PLCL1: variants seen among roughly 807,000 people sequenced by gnomAD.
PLCL1 encodes the protein inactive phospholipase C-like protein 1.
PLCL1 carries 41 observed loss-of-function variants against 84.4 expected under a neutral mutation model. That is an observed-to-expected ratio of 0.49 (90% CI 0.38 to 0.63). The LOEUF (loss-of-function observed/expected upper bound fraction) is 0.63. Among genes scored for constraint, PLCL1 ranks in the 30% least tolerant of loss-of-function variants. The pLI is 0.00. For synonymous variants in PLCL1, 490 were observed against 488.3 expected (o/e 1.00, Z -0.05); for missense variants, 1,206 against 1,367.8 (o/e 0.88, Z 1.87).
At chr2:197,978,773 G>A (rs1187485385) in intron 1 of PLCL1, among the ~76,000 whole-genome samples, 1 of 152,144 alleles carries the variant, frequency 6.6e-6, no homozygotes, top group African/African-American at 2.4e-5. Flanking sequence ...TCCCTCCCAG[G>A]GTGCACTCAG....
chr2:197,981,135 C>T (rs1324609075), intron 1 of PLCL1, among the ~76,000 whole-genome samples: 1 of 152,140 alleles, frequency 6.6e-6, no homozygotes, highest in Non-Finnish European at 1.5e-5. Flanking sequence ...TACTCTACAC[C>T]TTAGTTCACC....
rs77527010 is a variant in PLCL1, at chr2:197,882,772, G to A, written c.240+77433G>A. 3.3e-3 allele frequency among the ~76,000 whole-genome samples: 505 copies of A among 152,190 alleles called. 10 individuals carry two copies. The highest frequency in any genetic ancestry group is 0.025 in the East Asian group (129 of 5,186). ...CATTATGTACAGTAAATATAAAACT[G>A]CAAATATATACTATATGTATACTTA... On this transcript the variant is annotated intron_variant, in intron 1 of 5. Transcript: ENST00000428675.
chr2:197,884,355 A>T (rs778661118), intron 1 of PLCL1, among the ~76,000 whole-genome samples: 3 of 152,226 alleles, frequency 2.0e-5, no homozygotes, highest in African/African-American at 4.8e-5. Context: ...TTTAGCTCCC[A>T]GTTGAGTTCT....
intron 1 of PLCL1, among the ~76,000 whole-genome samples, chr2:197,937,492 C>A (rs1422690833): frequency 2.6e-5 from 4 of 152,148 alleles, no homozygotes; most frequent in African/African-American, 9.7e-5. Context: ...TCTTTCACCT[C>A]CTTGGGTAAA....
intron 1 of PLCL1, among the ~76,000 whole-genome samples, chr2:197,884,161 C>A (rs1408193137): frequency 6.6e-6 from 1 of 152,130 alleles, no homozygotes; most frequent in Admixed American, 6.6e-5. Flanking sequence ...TAAAAGAAGT[C>A]CAGAGATAGA....
At chr2:197,839,759 A>G (rs754913923) in intron 1 of PLCL1, among the ~76,000 whole-genome samples, 7 of 152,256 alleles carry the variant, frequency 4.6e-5, no homozygotes, top group Non-Finnish European at 8.8e-5. Flanking sequence ...CTTTAAGACC[A>G]TTAGACTATT....
intron 1 of PLCL1, among the ~76,000 whole-genome samples, chr2:197,887,299 C>A (rs975758966): frequency 6.6e-6 from 1 of 152,184 alleles, no homozygotes; most frequent in Non-Finnish European, 1.5e-5. Flanking sequence ...TCAGTTAATT[C>A]TGAGGGAGGG....
chr2:197,816,493 T>A lies in PLCL1; in HGVS notation c.240+11154T>A, dbSNP rs1345428976. ...ATGGTCCAGAATTGAATTTACAATA[T>A]CTCTGAGGTATGCCTGTTTATTTTT... On this transcript the variant is annotated intron_variant, in intron 1 of 5. Coordinates refer to ENST00000428675, the MANE Select transcript of PLCL1 (RefSeq NM_006226.4). Among the ~76,000 whole-genome samples the A allele has an allele frequency of 4.6e-5, 7 of 152,128 alleles. No homozygotes were observed. In the East Asian group the frequency reaches 1.4e-3, roughly 29 times the overall value.
intron 1 of PLCL1, among the ~76,000 whole-genome samples, chr2:197,836,564 A>G (rs989332279): frequency 9.9e-5 from 15 of 152,166 alleles, no homozygotes; most frequent in African/African-American, 3.6e-4. Flanking sequence ...TAAGCTTGCT[A>G]AATTTTTGTT....
At chr2:198,102,529 C>T (rs1043969001) in intron 4 of PLCL1, among the ~76,000 whole-genome samples, 1 of 152,016 alleles carries the variant, frequency 6.6e-6, no homozygotes, top group African/African-American at 2.4e-5. Context: ...GATCCCTGAC[C>T]TCATGTAGGC....
chr2:197,859,255 G>A (rs1000672633), intron 1 of PLCL1, among the ~76,000 whole-genome samples: 2 of 152,068 alleles, frequency 1.3e-5, no homozygotes, highest in African/African-American at 4.8e-5. Context: ...TATTTCTGCT[G>A]AGGTTAAATA....
chr2:197,872,713 C>G (rs987511664), intron 1 of PLCL1, among the ~76,000 whole-genome samples: 17 of 152,082 alleles, frequency 1.1e-4, no homozygotes, highest in Non-Finnish European at 2.5e-4. Context: ...ACAATAAATT[C>G]TCAATTAGCT....
chr2:198,139,813 A>G (rs1694340925), intron 5 of PLCL1, among the ~76,000 whole-genome samples: 2 of 152,204 alleles, frequency 1.3e-5, no homozygotes, highest in Non-Finnish European at 2.9e-5. Context: ...TTAATAGCTA[A>G]GAGACCACCA....
chr2:197,927,232 C>G (rs561696300), intron 1 of PLCL1, among the ~76,000 whole-genome samples: 3 of 152,286 alleles, frequency 2.0e-5, no homozygotes, highest in East Asian at 3.9e-4. Flanking sequence ...TAAAGAATAG[C>G]AAACTTAAAT....
intron 1 of PLCL1, among the ~76,000 whole-genome samples, chr2:198,055,088 C>T (rs964131929): frequency 2.0e-5 from 3 of 151,916 alleles, no homozygotes; most frequent in Non-Finnish European, 4.4e-5. Context: ...AACAGGAAAC[C>T]CTTCCTAAAC....
At chr2:197,850,028 A>G (rs943113284) in intron 1 of PLCL1, among the ~76,000 whole-genome samples, 2 of 127,718 alleles carry the variant, frequency 1.6e-5, no homozygotes, top group Non-Finnish European at 3.2e-5. Context: ...ACAGACACAC[A>G]CAGACACACA....
chr2:198,060,089 A>G (rs78271351), intron 1 of PLCL1, among the ~76,000 whole-genome samples: 1,555 of 152,258 alleles, frequency 0.01, 32 homozygotes, highest in African/African-American at 0.035. Flanking sequence ...ACCCTACTGA[A>G]TTCGAGTCCT....
At chr2:197,974,368 A>C (rs540209584) in intron 1 of PLCL1, among the ~76,000 whole-genome samples, 2 of 152,382 alleles carry the variant, frequency 1.3e-5, no homozygotes, top group East Asian at 3.9e-4. Flanking sequence ...AGTTTAAACC[A>C]GTCCTGTAAT....
At chr2:197,850,025 C>G in intron 1 of PLCL1, among the ~76,000 whole-genome samples, 2 of 130,342 alleles carry the variant, frequency 1.5e-5, no homozygotes, top group South Asian at 2.5e-4. Flanking sequence ...CACACAGACA[C>G]ACACAGACAC....
Sources: gnomAD v4.1 joint callset for allele counts (sites outside exome capture counted in the v4.1 genomes callset) on GRCh38, gnomAD v4.1.1 for gene constraint, MANE v1.5 for transcripts, NCBI Gene and HGNC (gene_info 2026-07-23, HGNC 2026-07-21) for gene names.